RCSD1: variants seen among roughly 807,000 people sequenced by gnomAD.
The protein encoded by RCSD1 is RCSD domain containing 1.
RCSD1 carries 26 observed loss-of-function variants against 42.5 expected under a neutral mutation model. That is an observed-to-expected ratio of 0.61 (90% CI 0.45 to 0.85). The LOEUF (loss-of-function observed/expected upper bound fraction) is 0.85. Among genes scored for constraint, RCSD1 ranks in the 40% least tolerant of loss-of-function variants. RCSD1 has a pLI of 0.00. For synonymous variants in RCSD1, 220 were observed against 212.2 expected (o/e 1.04, Z -0.32); for missense variants, 571 against 528.3 (o/e 1.08, Z -0.79).
intron 1 of RCSD1, among the ~76,000 whole-genome samples, chr1:167,678,778 A>G (rs1392586682): frequency 6.6e-6 from 1 of 151,922 alleles, no homozygotes; most frequent in Non-Finnish European, 1.5e-5. Context: ...GCCTCACACT[A>G]CCACTCGCAT....
chr1:167,651,760 AGAG>A (rs1571678742), intron 1 of RCSD1, among the ~76,000 whole-genome samples: 1 of 152,180 alleles, frequency 6.6e-6, no homozygotes, highest in South Asian at 2.1e-4. Flanking sequence ...CAGCCAAGAC[AGAG>A]GAGAAGAGGG....
At chr1:167,653,468 T>G (rs1658356668) in intron 1 of RCSD1, among the ~76,000 whole-genome samples, 1 of 152,360 alleles carries the variant, frequency 6.6e-6, no homozygotes, top group African/African-American at 2.4e-5. Flanking sequence ...CTAATCTGAT[T>G]TAACAGATGG....
chr1:167,678,356 G>A (rs951334955), intron 1 of RCSD1, among the ~76,000 whole-genome samples: 1 of 152,108 alleles, frequency 6.6e-6, no homozygotes. Context: ...TCATGACCAA[G>A]GAAGAACTAT....
chr1:167,675,725 T>C (rs1658936180), intron 1 of RCSD1, among the ~76,000 whole-genome samples: 1 of 152,184 alleles, frequency 6.6e-6, no homozygotes, highest in South Asian at 2.1e-4. Context: ...CACATCCATC[T>C]CTCAGGGATG....
intron 1 of RCSD1, among the ~76,000 whole-genome samples, chr1:167,680,022 T>C (rs1659041986): frequency 1.3e-5 from 2 of 152,090 alleles, no homozygotes; most frequent in Admixed American, 1.3e-4. Context: ...TCTCCTAGCC[T>C]TGGCAAAGTC....
chr1:167,631,972 G>A (rs1657712511), intron 1 of RCSD1, among the ~76,000 whole-genome samples: 1 of 152,248 alleles, frequency 6.6e-6, no homozygotes, highest in African/African-American at 2.4e-5. Context: ...AGAACCACTG[G>A]AGTCTAATAT....
At chr1:167,646,091 C>G (rs562951722) in intron 1 of RCSD1, among the ~76,000 whole-genome samples, 1 of 152,296 alleles carries the variant, frequency 6.6e-6, no homozygotes, top group African/African-American at 2.4e-5. Context: ...TGGAGACTGT[C>G]ACAGGGGCAG....
Position 167,697,534 on chromosome 1 carries a change from C to A in RCSD1, c.910C>A (p.Pro304Thr). ...GTGTGGGAGCCCCAGGGAGGAAAAG[C>A]CAGCTGGAGAGGAAGCAGAGATGGA... Reference protein sequence around the residue: ...NRCGSPREEKPAGEEAEMEKA... With the variant: ...NRCGSPREEKTAGEEAEMEKA... Residue 304 changes from proline (P) to threonine (T), a missense_variant, in exon 6 of 7, where the codon CCA becomes ACA. Pro to Thr is a conservative substitution (Grantham distance 38, BLOSUM62 -1). Transcript: ENST00000367854. The A allele has an allele frequency of 6.2e-7, 1 of 1,605,916 alleles. No individual in the cohort carries two copies. Among genetic ancestry groups the A allele is most frequent in the Non-Finnish European group, 8.5e-7 (1 of 1,176,302 alleles).
chr1:167,636,423 C>T (rs145575341), intron 1 of RCSD1, among the ~76,000 whole-genome samples: 29 of 152,338 alleles, frequency 1.9e-4, no homozygotes, highest in African/African-American at 7.0e-4. Context: ...TTTGAGTCAG[C>T]ATCATAGATG....
intron 1 of RCSD1, among the ~76,000 whole-genome samples, chr1:167,677,365 T>C (rs1658977711): frequency 1.3e-5 from 2 of 152,212 alleles, no homozygotes; most frequent in Admixed American, 6.5e-5. Context: ...GCCAAAGAAA[T>C]CTTCTGGCCC....
chr1:167,697,169 G>A lies in RCSD1; in HGVS notation c.545G>A (p.Gly182Glu). 1.2e-6 allele frequency: 2 copies of A among 1,614,200 alleles called. No individual in the cohort carries two copies. The highest frequency in any genetic ancestry group is 1.7e-6 in the Non-Finnish European group (2 of 1,180,046). ...RRFRRSQSDC[G>E]ELGDFRAVES... ...TTCCGAAGGTCACAGTCAGACTGTG[G>A]AGAACTTGGAGATTTCAGGGCGGTG... Residue 182 changes from glycine (G) to glutamate (E), a missense_variant, in exon 6 of 7, where the codon GGA (glycine) becomes GAA (glutamate). Transcript: ENST00000367854.
intron 1 of RCSD1, among the ~76,000 whole-genome samples, chr1:167,673,985 AT>A (rs1430773335): frequency 6.6e-6 from 1 of 152,178 alleles, no homozygotes; most frequent in Non-Finnish European, 1.5e-5. Context: ...GCATTTCCCA[AT>A]TGCAGCAATG....
intron 1 of RCSD1, among the ~76,000 whole-genome samples, chr1:167,642,663 G>A (rs1658036222): frequency 6.6e-6 from 1 of 152,208 alleles, no homozygotes; most frequent in Non-Finnish European, 1.5e-5. Context: ...GTGGCTCTTG[G>A]GAGGTGAACG....
At chr1:167,685,190 G>A (rs1659196784) in intron 2 of RCSD1, among the ~76,000 whole-genome samples, 1 of 152,164 alleles carries the variant, frequency 6.6e-6, no homozygotes, top group African/African-American at 2.4e-5. Context: ...GAGGGTGAAA[G>A]TCAAAATGGG....
chr1:167,639,205 A>G (rs1657944399), intron 1 of RCSD1, among the ~76,000 whole-genome samples: 1 of 151,822 alleles, frequency 6.6e-6, no homozygotes, highest in South Asian at 2.1e-4. Context: ...TGACACAGGG[A>G]GACTCCGTCT....
intron 1 of RCSD1, among the ~76,000 whole-genome samples, chr1:167,639,683 G>A (rs1053166432): frequency 1.3e-5 from 2 of 152,076 alleles, no homozygotes; most frequent in African/African-American, 4.8e-5. Flanking sequence ...TAATAGAGAC[G>A]GGGTTTCACC....
chr1:167,678,896 C>T (rs1048276297), intron 1 of RCSD1, among the ~76,000 whole-genome samples: 2 of 152,214 alleles, frequency 1.3e-5, no homozygotes, highest in African/African-American at 4.8e-5. Flanking sequence ...TCTCTTTTCC[C>T]CAACTGGGAT....
chr1:167,653,109 T>C (rs780279104), intron 1 of RCSD1, among the ~76,000 whole-genome samples: 3 of 152,226 alleles, frequency 2.0e-5, no homozygotes, highest in Non-Finnish European at 4.4e-5. Context: ...TTTATCATTA[T>C]TACATATTTC....
At chr1:167,673,371 T>C (rs565056974) in intron 1 of RCSD1, among the ~76,000 whole-genome samples, 14 of 152,330 alleles carry the variant, frequency 9.2e-5, no homozygotes, top group Admixed American at 7.8e-4. Flanking sequence ...ACTTCCCTCA[T>C]CATCTCGGCT....
Sources: allele counts gnomAD v4.1 joint callset (sites outside exome capture counted in the v4.1 genomes callset), GRCh38; gene constraint gnomAD v4.1.1; transcripts MANE v1.5; gene names NCBI Gene and HGNC (gene_info 2026-07-23, HGNC 2026-07-21).